The following DNAH2 variants were observed in gnomAD, a reference collection of about 807,000 sequenced individuals.
The protein encoded by DNAH2 is dynein axonemal heavy chain 2.
DNAH2 carries 323 observed loss-of-function variants against 523.5 expected under a neutral mutation model. The observed-to-expected ratio is 0.62, with a 90% CI of 0.56 to 0.68. The LOEUF (loss-of-function observed/expected upper bound fraction) is 0.68, where lower values mean the gene tolerates loss of function less well. Among genes scored for constraint, DNAH2 ranks in the 30% least tolerant of loss-of-function variants. The pLI is 0.00. For missense variants in DNAH2, 4,907 were observed against 5,701.5 expected (o/e 0.86, Z 4.49); for synonymous variants, 2,093 against 2,177.4 (o/e 0.96, Z 1.08).
chr17:7,761,907 GAA>G (rs201158634), intron 18 of DNAH2, among the ~76,000 whole-genome samples: 16 of 128,808 alleles, frequency 1.2e-4, no homozygotes, highest in African/African-American at 3.1e-4. Context: ...GAGGAGTTAA[GAA>G]AAAAAAAAAA....
Position 7,759,095 on chromosome 17 carries a change from T to A in DNAH2, c.2419T>A (p.Tyr807Asn). The change falls in exon 15 of 86, where the codon TAT becomes AAT. Residue 807 changes from tyrosine to asparagine, a missense_variant. Physicochemically the swap from Tyr to Asn is moderately radical, Grantham distance 143 (BLOSUM62 -2). This residue lies in a region of DNAH2 where 2,806 missense variants were observed against 3,190.8 expected (regional missense o/e 0.88). Transcript: ENST00000572933. ...TGTGGTGACCATCATGACCAACTCC[T>A]ATGAGGTCTTCAAGAATGATGGTCC... ...QDVVTIMTNS[Y>N]EVFKNDGPEI... is the part of the protein sequence containing the mutation. The A allele has an allele frequency of 2.5e-6, 4 of 1,614,146 alleles. No homozygotes were observed. The highest frequency in any genetic ancestry group is 3.4e-6 in the Non-Finnish European group (4 of 1,180,014).
chr17:7,765,710 A>G (rs1419601742), intron 21 of DNAH2, 145 bp downstream of exon 21: 12 of 855,790 alleles, frequency 1.4e-5, no homozygotes, highest in Middle Eastern at 2.6e-4. Context: ...TCAGGAGCAA[A>G]GGAGGAGGAC....
At chr17:7,810,848 G>C (rs1420222428) in intron 63 of DNAH2, among the ~76,000 whole-genome samples, 1 of 145,836 alleles carries the variant, frequency 6.9e-6, no homozygotes. Context: ...ATGGTACTGA[G>C]GCTCAGGTCT....
At position 7,780,105 on chromosome 17, in the gene DNAH2, C is replaced by T; in HGVS notation, c.5723-52C>T. On this transcript the variant is annotated intron_variant, in intron 36 of 85. Coordinates refer to ENST00000572933, the MANE Select transcript of DNAH2 (RefSeq NM_020877.5). The surrounding 1 kb of genome is among the most constrained non-coding windows in gnomAD (Gnocchi z 4.4). ...TGATTGGAAAGTGGGTTTGGGGAAG[C>T]AAATCAAGATGAGGAAATATATGAT... 6.4e-7 allele frequency: 1 copy of T among 1,574,692 alleles called. No homozygotes were observed. Among genetic ancestry groups the T allele is most frequent in the Non-Finnish European group, 8.6e-7 (1 of 1,159,336 alleles).
intron 20 of DNAH2, 38 bp downstream of exon 20, chr17:7,764,311 A>G (rs763614432): frequency 6.4e-7 from 1 of 1,565,788 alleles, no homozygotes; most frequent in Admixed American, 1.8e-5. Context: ...TGGGACCCGT[A>G]TCAGCAGCAG....
intron 12 of DNAH2, among the ~76,000 whole-genome samples, chr17:7,756,469 T>A (rs1374079988): frequency 6.6e-6 from 1 of 151,196 alleles, no homozygotes; most frequent in Non-Finnish European, 1.5e-5. Flanking sequence ...GAGATGGGGG[T>A]CTCACTATGT....
intron 79 of DNAH2, 116 bp from the exon 80 acceptor site, chr17:7,830,970 G>A (rs1484488209): frequency 6.6e-7 from 1 of 1,512,160 alleles, no homozygotes; most frequent in African/African-American, 1.4e-5. Context: ...GTGGGATTGA[G>A]ATGGGGAGCA....
At chr17:7,775,961 C>T in intron 30 of DNAH2, 63 bp from the exon 31 acceptor site, 8 of 1,597,116 alleles carry the variant, frequency 5.0e-6, no homozygotes, top group Non-Finnish European at 6.8e-6. Context: ...AGTGCCTTCC[C>T]TGTGGAGGAC....
At chr17:7,794,160 G>T (rs532262273) in intron 48 of DNAH2, 94 bp from the exon 49 acceptor site, 2 of 856,428 alleles carry the variant, frequency 2.3e-6, no homozygotes, top group South Asian at 4.0e-5. Context: ...TCCTCGCACT[G>T]TTTTCCTCCC....
intron 16 of DNAH2, 29 bp from the exon 17 acceptor site, chr17:7,759,762 T>A (rs774783300): frequency 6.2e-7 from 1 of 1,613,848 alleles, no homozygotes; most frequent in South Asian, 1.1e-5. Flanking sequence ...CTAAGGCTTT[T>A]CTCTCCATCT....
In DNAH2 at chr17:7,833,168, T is replaced by C. The variant is rs1175818470; in HGVS notation, c.13076T>C (p.Leu4359Pro). 6.2e-7 allele frequency: 1 copy of C among 1,609,896 alleles called. No individual in the cohort carries two copies. Among genetic ancestry groups the C allele is most frequent in the Non-Finnish European group, 8.5e-7 (1 of 1,180,016 alleles). Residue 4359 changes from leucine to proline, a missense_variant, in exon 85 of 86, where the codon CTC becomes CCC. Coordinates refer to ENST00000572933, the MANE Select transcript of DNAH2 (RefSeq NM_020877.5). ...GCAGAGCCCATGCAGCTTGTCTGCCTCATGCCCACGATCCACTTCCGGCCT... is the reference window on the plus strand; with the variant it reads ...GCAGAGCCCATGCAGCTTGTCTGCCCCATGCCCACGATCCACTTCCGGCCT... ...VEAEPMQLVC[L>P]MPTIHFRPAE...
intron 77 of DNAH2, among the ~76,000 whole-genome samples, chr17:7,825,941 G>A (rs752829756): frequency 7.2e-5 from 11 of 152,296 alleles, no homozygotes; most frequent in Middle Eastern, 3.4e-3. Flanking sequence ...GGCTCAGGCC[G>A]GGTGTGATGG....
In DNAH2 at chr17:7,790,279, A is replaced by T. The variant is rs111598638; in HGVS notation, c.6901-1638A>T. On this transcript the variant is annotated intron_variant, in intron 44 of 85. Transcript: ENST00000572933. ...GGGTCTCACTCTGTTGCCCAAGCTG[A>T]GTGCTGTGGTGTGATCTCGGCTCAC... is the stretch of plus-strand genomic sequence containing the variant. 1.5e-3 allele frequency among the ~76,000 whole-genome samples: 226 copies of T among 152,326 alleles called. 1 individual carries two copies. Among genetic ancestry groups the T allele is most frequent in the African/African-American group, 4.9e-3 (203 of 41,566 alleles).
rs2077703709 is a variant in DNAH2 at position 7,817,425 on chromosome 17, G to T, written c.10020+10G>T. On this transcript the variant is annotated intron_variant, in intron 65 of 85. Transcript: ENST00000572933. ...AATCTGGATCGGGAAGGTGAGATGGGACTCAGGCATGACAAGTAGGCTCCG... is the reference window on the plus strand; with the variant it reads ...AATCTGGATCGGGAAGGTGAGATGGTACTCAGGCATGACAAGTAGGCTCCG... 1.2e-6 allele frequency: 2 copies of T among 1,613,906 alleles called. No homozygotes were observed. The highest frequency in any genetic ancestry group is 1.7e-6 in the Non-Finnish European group (2 of 1,179,996).
At chr17:7,788,847 T>C (rs1409683055) in intron 44 of DNAH2, among the ~76,000 whole-genome samples, 2 of 152,234 alleles carry the variant, frequency 1.3e-5, no homozygotes, top group East Asian at 1.9e-4. Context: ...ATGTCATTCC[T>C]GGTACAGTTA....
intron 59 of DNAH2, among the ~76,000 whole-genome samples, 177 bp downstream of exon 59, chr17:7,804,643 C>T (rs1275540169): frequency 1.3e-5 from 2 of 151,882 alleles, no homozygotes; most frequent in Non-Finnish European, 2.9e-5. Context: ...GTCAGGAGTT[C>T]GAGACCAACT....
At chr17:7,775,930 G>T in intron 30 of DNAH2, 94 bp from the exon 31 acceptor site, 1 of 1,530,774 alleles carries the variant, frequency 6.5e-7, no homozygotes, top group Admixed American at 1.8e-5. Context: ...TGGGTACAAA[G>T]CCCTGAAGTG....
intron 63 of DNAH2, among the ~76,000 whole-genome samples, chr17:7,810,590 C>T (rs1052106536): frequency 1.6e-4 from 24 of 151,856 alleles, no homozygotes; most frequent in Middle Eastern, 3.4e-3. Flanking sequence ...GGTTTCACCA[C>T]GTTGGCCAGG....
intron 27 of DNAH2, among the ~76,000 whole-genome samples, 159 bp downstream of exon 27, chr17:7,771,092 T>G (rs1353011152): frequency 6.6e-6 from 1 of 152,196 alleles, no homozygotes; most frequent in Non-Finnish European, 1.5e-5. Flanking sequence ...ACCTCTCACC[T>G]TAGATTCCCT....
Sources: gnomAD v4.1 joint callset for allele counts (sites outside exome capture counted in the v4.1 genomes callset) on GRCh38, gnomAD v4.1.1 for gene constraint, gnomAD v4.1.1 regional missense constraint, Gnocchi (gnomAD v3.1) non-coding constraint, MANE v1.5 for transcripts, NCBI Gene and HGNC (gene_info 2026-07-23, HGNC 2026-07-21) for gene names.